The following ERBIN variants were observed in gnomAD, a reference collection of about 807,000 sequenced individuals.
ERBIN encodes the protein erbb2 interacting protein.
ERBIN carries 60 observed loss-of-function variants against 158.4 expected under a neutral mutation model. The observed-to-expected ratio is 0.38, with a 90% CI of 0.31 to 0.47. The LOEUF is 0.47. ERBIN is among the 20% of genes least tolerant of loss of function. The pLI is 0.99. For missense variants in ERBIN, 1,610 were observed against 1,648.0 expected, an observed-to-expected ratio of 0.98 and a Z score of 0.40; for synonymous variants, 594 against 557.2, an observed-to-expected ratio of 1.07 and a Z score of -0.93.
chr5:65,933,891 C>T (rs770295365), intron 1 of ERBIN, among the ~76,000 whole-genome samples: 60 of 152,056 alleles, frequency 3.9e-4, no homozygotes, highest in Middle Eastern at 3.4e-3. Context: ...GATGCCCTGT[C>T]GTCATCCCTA....
At chr5:66,044,944 GTGATGTGTGCC>G (rs1758279239) in intron 17 of ERBIN, among the ~76,000 whole-genome samples, 1 of 152,086 alleles carries the variant, frequency 6.6e-6, no homozygotes, top group South Asian at 2.1e-4. Flanking sequence ...GCTGGGCTTG[GTGATGTGTGCC>G]TGTTGACCTA....
At chr5:66,063,580 GA>G (rs921653747) in intron 21 of ERBIN, among the ~76,000 whole-genome samples, 23 of 152,272 alleles carry the variant, frequency 1.5e-4, no homozygotes, top group African/African-American at 4.8e-4. Flanking sequence ...CCAGTGAGAT[GA>G]ACCCGGTACC....
chr5:66,048,251 C>T (rs757975508), intron 18 of ERBIN, among the ~76,000 whole-genome samples: 17 of 151,732 alleles, frequency 1.1e-4, no homozygotes, highest in Non-Finnish European at 2.1e-4. Flanking sequence ...GCCCTGATTA[C>T]GAGGCTCTGA....
rs192663568 is a variant in ERBIN at position 65,999,611 on chromosome 5, G to A, written c.307+4747G>A. On this transcript the variant is annotated intron_variant, in intron 4 of 25. Coordinates refer to ENST00000284037, the MANE Select transcript of ERBIN (RefSeq NM_001253697.2). The stretch of plus-strand genomic sequence containing the variant: ...CCTTACAAGTTAAAGATCATGTACA[G>A]CATTTAGTTGTTGTGTCTCTGGTCC... Among the ~76,000 whole-genome samples, 79 of 152,230 alleles carry A rather than the reference G, an allele frequency of 5.2e-4. 1 individual carries two copies. Among genetic ancestry groups the A allele is most frequent in the Admixed American group, 5.1e-3 (78 of 15,288 alleles).
intron 1 of ERBIN, among the ~76,000 whole-genome samples, chr5:65,985,662 T>G (rs139982542): frequency 1.2e-3 from 182 of 152,354 alleles, no homozygotes; most frequent in South Asian, 1.9e-3. Context: ...ACTAGATTGT[T>G]TCTATCTATC....
In ERBIN at chr5:66,053,609, A is replaced by G. The variant is rs772102071; in HGVS notation, c.2291A>G (p.Asn764Ser). 1.4e-5 allele frequency: 23 copies of G among 1,610,744 alleles called. No individual in the cohort carries two copies. In the Admixed American group the frequency reaches 3.4e-4, roughly 24 times the overall value. Reference protein sequence around the residue: ...ADDTHKLDHINMNLNKLITND... With the variant: ...ADDTHKLDHISMNLNKLITND... ...GACACTCACAAATTAGATCATATCA[A>G]TATGAATCTTAATAAACTTATAACT... is the stretch of plus-strand genomic sequence containing the variant. Residue 764 changes from asparagine (N) to serine (S), a missense_variant, in exon 21 of 26, where the codon AAT becomes AGT. By Grantham distance (46) the Asn-to-Ser change is conservative. This residue lies in a region of ERBIN where 1,014 missense variants were observed against 936.1 expected (regional missense o/e 1.08). Coordinates refer to ENST00000284037, the MANE Select transcript of ERBIN (RefSeq NM_001253697.2).
intron 3 of ERBIN, 112 bp downstream of exon 3, chr5:65,993,019 T>A (rs1024224540): frequency 7.0e-6 from 6 of 851,152 alleles, no homozygotes; most frequent in Admixed American, 3.4e-5. Flanking sequence ...TTGAATTTTT[T>A]GGTTTAATTG....
At chr5:66,061,884 T>A (rs1204091183) in intron 21 of ERBIN, among the ~76,000 whole-genome samples, 2 of 152,244 alleles carry the variant, frequency 1.3e-5, no homozygotes, top group Non-Finnish European at 2.9e-5. Flanking sequence ...CACTCTCTTC[T>A]GGCTTGTAGA....
chr5:65,981,785 T>G (rs1485394800), intron 1 of ERBIN, among the ~76,000 whole-genome samples: 1 of 152,194 alleles, frequency 6.6e-6, no homozygotes, highest in Non-Finnish European at 1.5e-5. Context: ...CAGGCTTCTT[T>G]GTGGCATTGT....
At chr5:66,076,661 T>G in intron 24 of ERBIN, 1 of 600,916 alleles carries the variant, frequency 1.7e-6, no homozygotes, top group Non-Finnish European at 2.9e-6. Flanking sequence ...CACACACCTA[T>G]AAAAGTAATT....
At chr5:65,950,065 G>T (rs185552476) in intron 1 of ERBIN, among the ~76,000 whole-genome samples, 3 of 152,280 alleles carry the variant, frequency 2.0e-5, no homozygotes, top group Admixed American at 1.3e-4. Context: ...GAGTGCAGTG[G>T]TGTGATCTCT....
At chr5:66,033,082 C>T (rs905327712) in intron 14 of ERBIN, among the ~76,000 whole-genome samples, 6 of 152,136 alleles carry the variant, frequency 3.9e-5, no homozygotes, top group Non-Finnish European at 8.8e-5. Flanking sequence ...TTTCTGTGCT[C>T]TTGGTTTCTC....
At chr5:66,074,045 ATTTTTT>A (rs397884229) in intron 22 of ERBIN, among the ~76,000 whole-genome samples, 5 of 91,936 alleles carry the variant, frequency 5.4e-5, no homozygotes, top group African/African-American at 2.1e-4. Context: ...TGCCCAGCTA[ATTTTTT>A]TTTTTTTTTT....
At chr5:65,994,709 G>A (rs780365015) in intron 3 of ERBIN, 38 bp from the exon 4 acceptor site, 2 of 1,114,062 alleles carry the variant, frequency 1.8e-6, no homozygotes, top group Non-Finnish European at 2.7e-6. Context: ...ATTTAAAGAT[G>A]TATATAATTG....
At chr5:65,967,124 T>C (rs1418381634) in intron 1 of ERBIN, among the ~76,000 whole-genome samples, 1 of 152,074 alleles carries the variant, frequency 6.6e-6, no homozygotes, top group Non-Finnish European at 1.5e-5. Context: ...AGAAAAAATA[T>C]TCTGGTTAGC....
At chr5:65,965,372 G>GTTTTTT (rs1748449086) in intron 1 of ERBIN, among the ~76,000 whole-genome samples, 1 of 113,852 alleles carries the variant, frequency 8.8e-6, no homozygotes, top group Non-Finnish European at 1.8e-5. Flanking sequence ...TACCAGATTT[G>GTTTTTT]TTTTTTGTTG....
intron 23 of ERBIN, among the ~76,000 whole-genome samples, chr5:66,075,832 C>T (rs1197398269): frequency 6.6e-6 from 1 of 151,696 alleles, no homozygotes; most frequent in African/African-American, 2.4e-5. Context: ...TTTTAAAATC[C>T]CAACTCCTTT....
intron 8 of ERBIN, among the ~76,000 whole-genome samples, chr5:66,021,976 T>G (rs1478597414): frequency 6.6e-6 from 1 of 152,058 alleles, no homozygotes; most frequent in Non-Finnish European, 1.5e-5. Flanking sequence ...CTAGATTTTT[T>G]TTTTTTTGAA....
intron 18 of ERBIN, among the ~76,000 whole-genome samples, chr5:66,048,015 T>C (rs1192990112): frequency 6.6e-6 from 1 of 151,806 alleles, no homozygotes; most frequent in Non-Finnish European, 1.5e-5. Context: ...ATGGCTGCCT[T>C]GAGAAGGGGG....
Sources: gnomAD v4.1 joint callset for allele counts (sites outside exome capture counted in the v4.1 genomes callset) on GRCh38, gnomAD v4.1.1 for gene constraint, gnomAD v4.1.1 regional missense constraint, MANE v1.5 for transcripts, NCBI Gene and HGNC (gene_info 2026-07-23, HGNC 2026-07-21) for gene names.